The following NPAS2 variants were observed in gnomAD, a reference collection of about 807,000 sequenced individuals.
The protein encoded by NPAS2 is neuronal PAS domain protein 2.
NPAS2 carries 23 observed loss-of-function variants against 107.5 expected under a neutral mutation model. The observed-to-expected ratio is 0.21, with a 90% confidence interval of 0.15 to 0.30. NPAS2 has a LOEUF of 0.30. Ranked by LOEUF, NPAS2 falls within the 10% of genes least tolerant of loss-of-function variation. NPAS2 has a pLI of 1.00. For missense variants in NPAS2, 756 were observed against 1,043.3 expected, an observed-to-expected ratio of 0.72 and a Z score of 3.79; for synonymous variants, 403 against 417.5, an observed-to-expected ratio of 0.97 and a Z score of 0.42.
intron 2 of NPAS2, among the ~76,000 whole-genome samples, chr2:100,907,180 T>A (rs1029993091): frequency 2.6e-5 from 4 of 152,156 alleles, no homozygotes; most frequent in Non-Finnish European, 4.4e-5. Context: ...TAAAAATGCA[T>A]GTTTAGGCTC....
At chr2:100,958,382 C>T (rs138733533) in intron 7 of NPAS2, among the ~76,000 whole-genome samples, 34 of 152,238 alleles carry the variant, frequency 2.2e-4, no homozygotes, top group East Asian at 7.7e-4. Context: ...GGGAACAAAG[C>T]GCATGCACGC....
chr2:100,931,848 C>T (rs367780677), intron 3 of NPAS2, among the ~76,000 whole-genome samples: 1 of 152,180 alleles, frequency 6.6e-6, no homozygotes, highest in African/African-American at 2.4e-5. Flanking sequence ...TTCATTCATT[C>T]AAATGGCAGA....
intron 2 of NPAS2, among the ~76,000 whole-genome samples, chr2:100,912,999 G>A (rs1052833476): frequency 4.1e-4 from 63 of 152,168 alleles, no homozygotes; most frequent in African/African-American, 1.4e-3. Flanking sequence ...CTTAGGTGCC[G>A]AACGAGGATG....
At chr2:100,934,021 T>C (rs1024815724) in intron 4 of NPAS2, 1 of 152,208 alleles carries the variant, frequency 6.6e-6, no homozygotes, top group Non-Finnish European at 1.5e-5. Context: ...AGTAAGAAAA[T>C]GCCAGAATGA....
At chr2:100,963,369 A>G (rs561225846) in intron 7 of NPAS2, among the ~76,000 whole-genome samples, 19 of 151,284 alleles carry the variant, frequency 1.3e-4, no homozygotes, top group Admixed American at 7.9e-4. Context: ...CTGCAGAATG[A>G]GGCTGTCTTC....
chr2:100,921,393 G>A (rs1683216404), intron 2 of NPAS2, among the ~76,000 whole-genome samples: 2 of 152,202 alleles, frequency 1.3e-5, no homozygotes, highest in Non-Finnish European at 2.9e-5. Context: ...AATATTCCTT[G>A]TGTAACCAGA....
At chr2:100,846,701 A>G (rs1677801379) in intron 1 of NPAS2, 1 of 152,244 alleles carries the variant, frequency 6.6e-6, no homozygotes, top group African/African-American at 2.4e-5. Flanking sequence ...TCCTTCAACT[A>G]AAATATTTTG....
chr2:100,908,923 A>G (rs2104798464), intron 2 of NPAS2, among the ~76,000 whole-genome samples: 1 of 152,344 alleles, frequency 6.6e-6, no homozygotes, highest in South Asian at 2.1e-4. Flanking sequence ...CATCAGCTAA[A>G]CAATTTTATG....
At chr2:100,822,373 G>A (rs1427618350) in intron 1 of NPAS2, among the ~76,000 whole-genome samples, 1 of 152,076 alleles carries the variant, frequency 6.6e-6, no homozygotes, top group East Asian at 1.9e-4. Flanking sequence ...AAAACAGTTT[G>A]GGCCCTTTAA....
intron 3 of NPAS2, among the ~76,000 whole-genome samples, chr2:100,927,079 G>C (rs774434521): frequency 2.0e-5 from 3 of 151,198 alleles, no homozygotes; most frequent in Admixed American, 6.6e-5. Context: ...GCTGGGACTA[G>C]AGGTGCCACC....
intron 1 of NPAS2, among the ~76,000 whole-genome samples, chr2:100,900,530 C>T (rs1681706269): frequency 1.3e-5 from 2 of 152,152 alleles, no homozygotes; most frequent in South Asian, 2.1e-4. Flanking sequence ...AGTAAGCATA[C>T]AGCTACCCCG....
At chr2:100,948,413 G>C in intron 6 of NPAS2, 58 bp downstream of exon 6, 1 of 1,511,910 alleles carries the variant, frequency 6.6e-7, no homozygotes, top group Non-Finnish European at 8.9e-7. Flanking sequence ...GCTTTTGAAA[G>C]GAGGTTAGAA....
chr2:100,948,166 A>C (rs10207725), intron 5 of NPAS2, 69 bp from the exon 6 acceptor site: 137,832 of 1,569,714 alleles, frequency 0.088, 11,721 homozygotes, highest in East Asian at 0.41. Flanking sequence ...TGAATGTTCA[A>C]TTTTTGTTTT....
At chr2:100,923,590 A>G (rs1179877203) in intron 2 of NPAS2, among the ~76,000 whole-genome samples, 1 of 152,138 alleles carries the variant, frequency 6.6e-6, no homozygotes, top group African/African-American at 2.4e-5. Flanking sequence ...CTGACCACAC[A>G]TTGGCCAGGA....
chr2:100,906,485 T>C (rs1320586830), intron 2 of NPAS2, among the ~76,000 whole-genome samples: 1 of 152,234 alleles, frequency 6.6e-6, no homozygotes, highest in East Asian at 1.9e-4. Context: ...CTTTCCTCAC[T>C]GGTTATTTTG....
chr2:100,864,043 T>G lies in NPAS2; in HGVS notation c.-22-40690T>G, dbSNP rs201415124. 2.6e-5 allele frequency among the ~76,000 whole-genome samples: 4 copies of G among 152,244 alleles called. No individual in the cohort carries two copies. The East Asian group carries it at 7.7e-4, about 29-fold the overall frequency. Reference sequence around the variant, plus strand: ...GACTGGGCTAATTGTGAAAGCATTATGCCGAGATGTCATGAAGATGGGATG... The same window carrying G: ...GACTGGGCTAATTGTGAAAGCATTAGGCCGAGATGTCATGAAGATGGGATG... On this transcript the variant is annotated intron_variant, in intron 1 of 20. Coordinates refer to ENST00000335681, the MANE Select transcript of NPAS2 (RefSeq NM_002518.4).
At chr2:100,945,864 C>G (rs1674861325) in intron 5 of NPAS2, among the ~76,000 whole-genome samples, 1 of 152,326 alleles carries the variant, frequency 6.6e-6, no homozygotes, top group East Asian at 1.9e-4. Flanking sequence ...GGCAGCACAC[C>G]ATCCACAGTG....
chr2:100,873,931 A>G (rs1459245818), intron 1 of NPAS2, among the ~76,000 whole-genome samples: 2 of 152,168 alleles, frequency 1.3e-5, no homozygotes, highest in African/African-American at 2.4e-5. Flanking sequence ...AGGGGCTTCT[A>G]GAAGCCTTTG....
intron 5 of NPAS2, among the ~76,000 whole-genome samples, chr2:100,940,149 A>G (rs1055424198): frequency 6.6e-6 from 1 of 152,222 alleles, no homozygotes; most frequent in African/African-American, 2.4e-5. Flanking sequence ...ATCAGCATAC[A>G]GCTGGTTGGG....
Sources: gnomAD v4.1 joint callset for allele counts (sites outside exome capture counted in the v4.1 genomes callset) on GRCh38, gnomAD v4.1.1 for gene constraint, MANE v1.5 for transcripts, NCBI Gene and HGNC (gene_info 2026-07-23, HGNC 2026-07-21) for gene names.